The following GRM8 variants were observed in gnomAD, a reference collection of about 807,000 sequenced individuals.
The protein encoded by GRM8 is glutamate metabotropic receptor 8.
GRM8 carries 47 observed loss-of-function variants against 87.2 expected under a neutral mutation model. That is an observed-to-expected ratio of 0.54 (90% CI 0.43 to 0.69). The LOEUF is 0.69. Ranked by LOEUF, GRM8 falls within the 30% of genes least tolerant of loss-of-function variation. GRM8 has a pLI of 0.00. For synonymous variants in GRM8, 396 were observed against 404.5 expected (o/e 0.98, Z 0.25); for missense variants, 1,019 against 1,139.2 (o/e 0.89, Z 1.52).
At chr7:126,749,091 T>C (rs915561935) in intron 7 of GRM8, among the ~76,000 whole-genome samples, 1 of 151,990 alleles carries the variant, frequency 6.6e-6, no homozygotes, top group Non-Finnish European at 1.5e-5. Context: ...CTGGCCAACA[T>C]GATGAAACCT....
At chr7:127,242,561 T>A (rs1798368835) in intron 2 of GRM8, 134 bp downstream of exon 2, 1 of 748,020 alleles carries the variant, frequency 1.3e-6, no homozygotes, top group Non-Finnish European at 2.2e-6. Flanking sequence ...GAATGTCCCA[T>A]TTGAGGAACC....
At chr7:126,966,886 G>T (rs901249503) in intron 3 of GRM8, among the ~76,000 whole-genome samples, 1 of 152,174 alleles carries the variant, frequency 6.6e-6, no homozygotes, top group African/African-American at 2.4e-5. Flanking sequence ...CAAAAGTCAT[G>T]GGGCAGGAAC....
intron 3 of GRM8, among the ~76,000 whole-genome samples, chr7:127,080,150 TG>T (rs1379236011): frequency 6.6e-6 from 1 of 151,976 alleles, no homozygotes; most frequent in Non-Finnish European, 1.5e-5. Flanking sequence ...GTCCTTAAAT[TG>T]GGAAGGGGGA....
intron 6 of GRM8, among the ~76,000 whole-genome samples, chr7:126,889,914 G>A (rs557179793): frequency 4.6e-4 from 70 of 152,126 alleles, no homozygotes; most frequent in African/African-American, 1.6e-3. Context: ...GATGCTTGCA[G>A]CTGCAAATGA....
intron 7 of GRM8, among the ~76,000 whole-genome samples, chr7:126,721,070 C>A (rs1456041514): frequency 2.0e-5 from 3 of 152,230 alleles, no homozygotes; most frequent in South Asian, 2.1e-4. Flanking sequence ...TGACCCTACA[C>A]CCCAATGGTA....
At chr7:127,074,702 A>G (rs1257948935) in intron 3 of GRM8, among the ~76,000 whole-genome samples, 3 of 152,150 alleles carry the variant, frequency 2.0e-5, no homozygotes, top group African/African-American at 7.2e-5. Context: ...CCTGTCTCCT[A>G]ACAGTGCTGG....
chr7:126,801,809 T>C (rs1296838202), intron 6 of GRM8, among the ~76,000 whole-genome samples: 1 of 152,032 alleles, frequency 6.6e-6, no homozygotes, highest in Non-Finnish European at 1.5e-5. Flanking sequence ...AGAGAGGCCA[T>C]AGTGGGTTGT....
At chr7:127,109,579 G>C (rs996394521) in intron 2 of GRM8, among the ~76,000 whole-genome samples, 1 of 151,968 alleles carries the variant, frequency 6.6e-6, no homozygotes, top group Non-Finnish European at 1.5e-5. Flanking sequence ...CCTCCATCTG[G>C]GGACAGTTCA....
chr7:126,641,219 G>A (rs1219242707), intron 7 of GRM8, among the ~76,000 whole-genome samples: 1 of 152,130 alleles, frequency 6.6e-6, no homozygotes, highest in Non-Finnish European at 1.5e-5. Flanking sequence ...TTTGTCCCCA[G>A]TGCAATGGTC....
At chr7:127,228,418 C>T (rs1159665850) in intron 2 of GRM8, 4 of 152,164 alleles carry the variant, frequency 2.6e-5, no homozygotes, top group African/African-American at 4.8e-5. Flanking sequence ...TCAGGAAGAA[C>T]GGGGTCTTCA....
chr7:127,137,526 G>T (rs1828011385), intron 2 of GRM8, among the ~76,000 whole-genome samples: 1 of 152,076 alleles, frequency 6.6e-6, no homozygotes, highest in Admixed American at 6.5e-5. Context: ...ATTTTATCAA[G>T]TAAATCAAAC....
At chr7:126,774,942 A>G (rs1485836222) in intron 6 of GRM8, among the ~76,000 whole-genome samples, 1 of 152,162 alleles carries the variant, frequency 6.6e-6, no homozygotes, top group African/African-American at 2.4e-5. Flanking sequence ...AAAACTTCTA[A>G]TATCAATGCA....
intron 8 of GRM8, among the ~76,000 whole-genome samples, chr7:126,555,346 A>G (rs7793138): frequency 0.08 from 12,203 of 152,278 alleles, 1,418 homozygotes; most frequent in African/African-American, 0.26. Context: ...GACTATCTTC[A>G]TAGCCTGGGC....
intron 3 of GRM8, among the ~76,000 whole-genome samples, chr7:127,046,147 G>T (rs10954142): frequency 0.27 from 40,438 of 151,790 alleles, 6,095 homozygotes; most frequent in Non-Finnish European, 0.36. Context: ...TCAGGTGGGC[G>T]GATCATGAGG....
chr7:127,077,832 A>T (rs1017357698), intron 3 of GRM8, among the ~76,000 whole-genome samples: 1 of 151,974 alleles, frequency 6.6e-6, no homozygotes, highest in Non-Finnish European at 1.5e-5. Context: ...TTCTTGTTCT[A>T]CTACTTAGAA....
At chr7:126,625,138 C>T (rs1800547469) in intron 7 of GRM8, among the ~76,000 whole-genome samples, 1 of 152,114 alleles carries the variant, frequency 6.6e-6, no homozygotes, top group Non-Finnish European at 1.5e-5. Context: ...CACTTCATGT[C>T]ACATTATAAA....
intron 2 of GRM8, among the ~76,000 whole-genome samples, chr7:127,209,385 G>A (rs1489038730): frequency 2.6e-5 from 4 of 152,200 alleles, no homozygotes; most frequent in Admixed American, 6.5e-5. Context: ...GCTGTTGACT[G>A]TTCAGTGAAA....
Position 126,608,437 on chromosome 7 carries a change from C to T in GRM8, c.1494+925G>A, listed in dbSNP as rs1236899532. Among the ~76,000 whole-genome samples, 5 of 152,190 alleles carry T rather than the reference C, an allele frequency of 3.3e-5. No homozygotes were observed. The East Asian group carries it at 9.6e-4, about 29-fold the overall frequency. The stretch of plus-strand genomic sequence containing the variant: ...CTCTGGGTGATGGTGCGGCACCTGG[C>T]AGGCAAATGCCCAGGTGCTTTTGGG... On this transcript the variant is annotated intron_variant, in intron 8 of 10. Transcript: ENST00000339582.
chr7:126,851,618 T>C (rs960761124), intron 6 of GRM8, among the ~76,000 whole-genome samples: 1 of 152,162 alleles, frequency 6.6e-6, no homozygotes, highest in African/African-American at 2.4e-5. Context: ...TGGTCTTCTC[T>C]GCCCAGATGA....
Sources: gnomAD v4.1 joint callset for allele counts (sites outside exome capture counted in the v4.1 genomes callset) on GRCh38, gnomAD v4.1.1 for gene constraint, MANE v1.5 for transcripts, NCBI Gene and HGNC (gene_info 2026-07-23, HGNC 2026-07-21) for gene names.